The following CNTN5 variants were observed in gnomAD, a reference collection of about 807,000 sequenced individuals.
CNTN5 encodes the protein contactin-5.
A neutral mutation model predicts 129.1 loss-of-function variants in CNTN5; 77 were observed. The observed-to-expected ratio is 0.60, with a 90% CI of 0.50 to 0.72. CNTN5 has a LOEUF of 0.72. Among genes scored for constraint, CNTN5 ranks in the 30% least tolerant of loss-of-function variants. CNTN5 has a pLI of 0.00. For missense variants in CNTN5, 1,478 were observed against 1,328.8 expected (o/e 1.11, Z -1.75); for synonymous variants, 509 against 465.6 (o/e 1.09, Z -1.20).
intron 2 of CNTN5, among the ~76,000 whole-genome samples, chr11:99,552,914 C>G (rs1437494121): frequency 6.6e-6 from 1 of 152,048 alleles, no homozygotes; most frequent in Non-Finnish European, 1.5e-5. Context: ...TGGAAATATA[C>G]TATTATTACT....
chr11:100,053,613 C>T (rs1592720), intron 9 of CNTN5, among the ~76,000 whole-genome samples: 61,367 of 151,426 alleles, frequency 0.41, 12,820 homozygotes, highest in East Asian at 0.66. Context: ...ATTTCCTACA[C>T]TGTTGGTAGA....
At chr11:99,135,650 C>T (rs1859181024) in intron 1 of CNTN5, among the ~76,000 whole-genome samples, 1 of 152,036 alleles carries the variant, frequency 6.6e-6, no homozygotes, top group Non-Finnish European at 1.5e-5. Context: ...TCTTTTTTCC[C>T]AACATACAAT....
intron 2 of CNTN5, among the ~76,000 whole-genome samples, chr11:99,350,776 A>G (rs1188259456): frequency 6.6e-6 from 1 of 152,022 alleles, no homozygotes; most frequent in Non-Finnish European, 1.5e-5. Flanking sequence ...TAAAAAGAAA[A>G]CAATCAGAAT....
intron 1 of CNTN5, among the ~76,000 whole-genome samples, chr11:99,131,844 C>A (rs1239206604): frequency 6.6e-6 from 1 of 152,160 alleles, no homozygotes; most frequent in African/African-American, 2.4e-5. Flanking sequence ...GGTACCATTT[C>A]TTCTGAAACT....
chr11:100,254,785 G>GC (rs11377264), intron 16 of CNTN5, among the ~76,000 whole-genome samples: 5,209 of 152,206 alleles, frequency 0.034, 321 homozygotes, highest in African/African-American at 0.12. Context: ...GAGAGCATTT[G>GC]TACATAAAGA....
At chr11:99,775,987 A>G (rs918273554) in intron 3 of CNTN5, among the ~76,000 whole-genome samples, 7 of 152,048 alleles carry the variant, frequency 4.6e-5, no homozygotes, top group Non-Finnish European at 8.8e-5. Context: ...ATAGTTCTTT[A>G]TAGTCATATC....
intron 1 of CNTN5, among the ~76,000 whole-genome samples, chr11:99,149,217 T>TG (rs1032978954): frequency 6.6e-6 from 1 of 152,012 alleles, no homozygotes; most frequent in Non-Finnish European, 1.5e-5. Flanking sequence ...CTGCAGTGTG[T>TG]GGGGTTACAA....
intron 3 of CNTN5, among the ~76,000 whole-genome samples, chr11:99,759,246 C>T (rs1037392555): frequency 7.9e-5 from 12 of 151,838 alleles, no homozygotes; most frequent in African/African-American, 2.2e-4. Flanking sequence ...GTGTTATGGC[C>T]GAGCATAAGT....
intron 6 of CNTN5, among the ~76,000 whole-genome samples, chr11:99,851,269 A>G (rs7127442): frequency 1 from 152,312 of 152,338 alleles, 76,144 homozygotes; most frequent in Non-Finnish European, 1. Flanking sequence ...AGCTGTGTTA[A>G]TGAACTGGTT....
intron 3 of CNTN5, among the ~76,000 whole-genome samples, chr11:99,561,287 G>C (rs1055508114): frequency 2.6e-5 from 4 of 151,830 alleles, no homozygotes; most frequent in African/African-American, 9.7e-5. Flanking sequence ...GACAATTTCA[G>C]CAAATAAGTA....
At chr11:99,251,444 CCAGT>C (rs1862098869) in intron 1 of CNTN5, among the ~76,000 whole-genome samples, 1 of 151,182 alleles carries the variant, frequency 6.6e-6, no homozygotes, top group Admixed American at 6.6e-5. Flanking sequence ...AACAAACTAG[CCAGT>C]CAGTTATAGA....
At chr11:100,216,844 T>C (rs957493583) in intron 15 of CNTN5, among the ~76,000 whole-genome samples, 1 of 152,074 alleles carries the variant, frequency 6.6e-6, no homozygotes, top group Non-Finnish European at 1.5e-5. Flanking sequence ...AATTAACTAG[T>C]GCAAGTGAAT....
chr11:99,140,460 CTTTTATTTTA>C (rs142985840), intron 1 of CNTN5, among the ~76,000 whole-genome samples: 1 of 149,878 alleles, frequency 6.7e-6, no homozygotes, highest in East Asian at 2.0e-4. Flanking sequence ...ATTTGGATGC[CTTTTATTTTA>C]TTTTATTTTA....
rs1465828025 is a variant in CNTN5, at chr11:100,074,204, A to G, written c.1490A>G (p.Gln497Arg). 3 of 1,612,608 alleles carry G rather than the reference A, an allele frequency of 1.9e-6. No homozygotes were observed. In the African/African-American group the frequency reaches 4.0e-5, roughly 21 times the overall value. ...AAAACAATAATTGTTACCAAAGACC[A>G]AGAAGTTGTCATAGAGTGCAAACCC... ...LKKTIIVTKD[Q>R]EVVIECKPQG... The change falls in exon 13 of 25, where the codon CAA becomes CGA. Residue 497 changes from glutamine to arginine, a missense_variant. By Grantham distance (43) the Gln-to-Arg change is conservative. Transcript: ENST00000524871.
intron 6 of CNTN5, among the ~76,000 whole-genome samples, chr11:99,894,207 C>T (rs1273808109): frequency 6.6e-6 from 1 of 152,082 alleles, no homozygotes; most frequent in African/African-American, 2.4e-5. Flanking sequence ...ACATTTCAAC[C>T]TGGTGCTTCA....
chr11:99,599,800 CT>C (rs1405488920), intron 3 of CNTN5, among the ~76,000 whole-genome samples: 1 of 151,988 alleles, frequency 6.6e-6, no homozygotes, highest in Non-Finnish European at 1.5e-5. Context: ...GGCACAGACA[CT>C]TTGTCAGAAG....
intron 1 of CNTN5, among the ~76,000 whole-genome samples, chr11:99,214,124 T>C (rs1244370509): frequency 6.6e-6 from 1 of 151,910 alleles, no homozygotes; most frequent in Non-Finnish European, 1.5e-5. Context: ...CACCTGAAAG[T>C]GACAATGAAA....
intron 9 of CNTN5, among the ~76,000 whole-genome samples, chr11:100,045,535 A>C: frequency 6.6e-6 from 1 of 152,154 alleles, no homozygotes; most frequent in East Asian, 1.9e-4. Context: ...TCCTCATATG[A>C]AAGAATTAAG....
intron 3 of CNTN5, among the ~76,000 whole-genome samples, chr11:99,807,209 A>C (rs1291557670): frequency 6.6e-6 from 1 of 152,324 alleles, no homozygotes; most frequent in Admixed American, 6.5e-5. Context: ...AAAATAACAT[A>C]AAGAAAATAT....
Sources: gnomAD v4.1 joint callset for allele counts (sites outside exome capture counted in the v4.1 genomes callset) on GRCh38, gnomAD v4.1.1 for gene constraint, MANE v1.5 for transcripts, NCBI Gene and HGNC (gene_info 2026-07-23, HGNC 2026-07-21) for gene names.